Variants in RHOA observed in about 807,000 individuals in gnomAD.
The protein encoded by RHOA is ras homolog family member A, also known as transforming protein RhoA.
A neutral mutation model predicts 17.5 loss-of-function variants in RHOA; 3 were observed. That is an observed-to-expected ratio of 0.17 (90% CI 0.08 to 0.44). RHOA has a LOEUF of 0.44. Ranked by LOEUF, RHOA falls within the 20% of genes least tolerant of loss-of-function variation. RHOA has a pLI of 0.99. For synonymous variants in RHOA, 98 were observed against 88.4 expected (o/e 1.11, Z -0.61); for missense variants, 56 against 242.3 (o/e 0.23, Z 5.10).
At chr3:49,395,253 A>C (rs1485959607) in intron 1 of RHOA, among the ~76,000 whole-genome samples, 1 of 151,674 alleles carries the variant, frequency 6.6e-6, no homozygotes, top group Non-Finnish European at 1.5e-5. Flanking sequence ...TCCGTCTCAA[A>C]AAAAAAAAAA....
intron 1 of RHOA, among the ~76,000 whole-genome samples, chr3:49,396,311 C>A (rs943120678): frequency 6.6e-6 from 1 of 152,124 alleles, no homozygotes; most frequent in Non-Finnish European, 1.5e-5. Flanking sequence ...TGGTGGCTCA[C>A]GCCTGTAATC....
At chr3:49,391,888 G>A (rs1365806801) in intron 1 of RHOA, among the ~76,000 whole-genome samples, 1 of 142,438 alleles carries the variant, frequency 7.0e-6, no homozygotes, top group Admixed American at 7.5e-5. Flanking sequence ...GAGTGTAATG[G>A]CACGATCTCA....
chr3:49,384,881 T>G (rs2048371734), intron 1 of RHOA, among the ~76,000 whole-genome samples: 1 of 152,092 alleles, frequency 6.6e-6, no homozygotes, highest in East Asian at 1.9e-4. Flanking sequence ...CTGGCCAACA[T>G]GGTGAAACCA....
At chr3:49,361,888 A>T (rs2047977852) in intron 4 of RHOA, among the ~76,000 whole-genome samples, 1 of 149,664 alleles carries the variant, frequency 6.7e-6, no homozygotes, top group Non-Finnish European at 1.5e-5. Flanking sequence ...AAAAAATAAA[A>T]ATAAAGAGTC....
intron 1 of RHOA, among the ~76,000 whole-genome samples, chr3:49,407,143 CAAGAG>C (rs770353470): frequency 1.7e-4 from 26 of 150,080 alleles, no homozygotes; most frequent in East Asian, 5.8e-4. Context: ...GACCCTGTCT[CAAGAG>C]AAGAGAAGAG....
chr3:49,376,644 CAAAAAA>C (rs963176937), intron 1 of RHOA, among the ~76,000 whole-genome samples: 3 of 43,832 alleles, frequency 6.8e-5, no homozygotes, highest in Non-Finnish European at 1.5e-4. Context: ...CTCCATCTCA[CAAAAAA>C]AAAAAAAAAA....
intron 1 of RHOA, among the ~76,000 whole-genome samples, chr3:49,390,640 A>G (rs1188543643): frequency 2.6e-5 from 4 of 152,228 alleles, no homozygotes; most frequent in African/African-American, 7.2e-5. Flanking sequence ...AGGAAAATAC[A>G]GATGTAACAA....
chr3:49,387,144 A>C (rs1401704299), intron 1 of RHOA, among the ~76,000 whole-genome samples: 8 of 130,444 alleles, frequency 6.1e-5, no homozygotes, highest in Non-Finnish European at 1.1e-4. Flanking sequence ...AAAAAAAAAA[A>C]AAAAAAAAAA....
At chr3:49,373,709 T>C (rs2048180362) in intron 2 of RHOA, among the ~76,000 whole-genome samples, 1 of 150,752 alleles carries the variant, frequency 6.6e-6, no homozygotes, top group African/African-American at 2.4e-5. Context: ...GAGGCTGAGG[T>C]GGAAGGATCA....
intron 1 of RHOA, among the ~76,000 whole-genome samples, chr3:49,376,314 A>C (rs1397161684): frequency 6.6e-6 from 1 of 152,108 alleles, no homozygotes; most frequent in East Asian, 1.9e-4. Flanking sequence ...AGAATAAACA[A>C]GTTCAGTAAG....
At chr3:49,408,189 TACAC>T (rs1559521896) in intron 1 of RHOA, among the ~76,000 whole-genome samples, 8 of 146,618 alleles carry the variant, frequency 5.5e-5, no homozygotes, top group African/African-American at 2.1e-4. Context: ...TATATATATA[TACAC>T]ACACACATAC....
chr3:49,362,722 G>T, intron 3 of RHOA, 96 bp from the exon 4 acceptor site: 1 of 1,031,160 alleles, frequency 9.7e-7, no homozygotes, highest in Non-Finnish European at 1.4e-6. Flanking sequence ...CTTTCTTTGT[G>T]GCTTCAGAAA....
At chr3:49,405,322 T>TG (rs1414710974) in intron 1 of RHOA, among the ~76,000 whole-genome samples, 1 of 147,024 alleles carries the variant, frequency 6.8e-6, no homozygotes, top group Non-Finnish European at 1.5e-5. Flanking sequence ...CCCCAACTAA[T>TG]GGGGAGGCTG....
chr3:49,371,895 A>G (rs1054917219), intron 2 of RHOA, among the ~76,000 whole-genome samples: 1 of 152,240 alleles, frequency 6.6e-6, no homozygotes, highest in African/African-American at 2.4e-5. Flanking sequence ...CAAGAGAACC[A>G]AAGAGCTGCT....
At chr3:49,411,776 G>A (rs2048943030) in intron 1 of RHOA, 44 bp downstream of exon 1, 1 of 151,858 alleles carries the variant, frequency 6.6e-6, no homozygotes, top group Non-Finnish European at 1.5e-5. Flanking sequence ...CCGGGCTGGC[G>A]GGCCTGGGGC....
At chr3:49,398,056 G>A (rs915753999) in intron 1 of RHOA, among the ~76,000 whole-genome samples, 2 of 152,162 alleles carry the variant, frequency 1.3e-5, no homozygotes, top group African/African-American at 4.8e-5. Context: ...CAAAAGCACA[G>A]AATAGGTAAA....
intron 3 of RHOA, among the ~76,000 whole-genome samples, chr3:49,364,640 G>A (rs895903405): frequency 2.6e-5 from 4 of 151,884 alleles, no homozygotes; most frequent in East Asian, 3.9e-4. Context: ...CAGCCTGGGC[G>A]ACAGAGCGAG....
At chr3:49,385,203 G>T (rs1411448161) in intron 1 of RHOA, among the ~76,000 whole-genome samples, 2 of 151,364 alleles carry the variant, frequency 1.3e-5, no homozygotes, top group East Asian at 1.9e-4. Flanking sequence ...CACTGCGCCT[G>T]GTCCATTGCC....
intron 1 of RHOA, among the ~76,000 whole-genome samples, chr3:49,404,433 A>ACAC (rs1553636256): frequency 2.2e-5 from 2 of 90,758 alleles, no homozygotes; most frequent in South Asian, 5.4e-4. Flanking sequence ...TCTCTAGTAA[A>ACAC]ACACACACAC....
Sources: allele counts gnomAD v4.1 joint callset (sites outside exome capture counted in the v4.1 genomes callset), GRCh38; gene constraint gnomAD v4.1.1; transcripts MANE v1.5; gene names NCBI Gene and HGNC (gene_info 2026-07-23, HGNC 2026-07-21).